Variants in NUDCD3 observed in about 807,000 individuals in gnomAD.
NUDCD3 encodes the protein NudC domain containing 3.
In NUDCD3, 13 loss-of-function variants were observed where a neutral mutation model predicts 39.7. The ratio of observed to expected loss-of-function variants is 0.33; its 90% CI spans 0.21 to 0.52. The LOEUF is 0.52. NUDCD3 is among the 20% of genes least tolerant of loss of function. NUDCD3 has a pLI of 0.96. For synonymous variants in NUDCD3, 175 were observed against 172.4 expected (o/e 1.02, Z -0.12); for missense variants, 453 against 458.1 (o/e 0.99, Z 0.10).
chr7:44,417,721 A>G (rs896417831), intron 3 of NUDCD3, among the ~76,000 whole-genome samples: 2 of 152,226 alleles, frequency 1.3e-5, no homozygotes, highest in African/African-American at 4.8e-5. Flanking sequence ...ACTTGGGAAG[A>G]GCTATTAGCT....
At chr7:44,427,799 G>A (rs1490310072) in intron 2 of NUDCD3, 96 bp from the exon 3 acceptor site, 7 of 1,300,820 alleles carry the variant, frequency 5.4e-6, no homozygotes, top group African/African-American at 1.5e-5. Flanking sequence ...TCCTGGAGAC[G>A]TGACCAACTC....
At position 44,379,493 on chromosome 7, in the gene NUDCD3, G is replaced by T. The variant is rs1285732505; in HGVS notation, c.*6518C>A. 6.6e-6 allele frequency: 1 copy of T among 152,208 alleles called. No individual in the cohort carries two copies. Among genetic ancestry groups the T allele is most frequent in the African/African-American group, 2.4e-5 (1 of 41,384 alleles). 9.4% of individuals were successfully genotyped at this position (152,208 alleles called of 1,614,324 possible). A position where few individuals can be genotyped will look rare whatever the true frequency, so the allele number is the denominator to read the frequency against. On this transcript the variant is annotated 3_prime_UTR_variant, in exon 6 of 6. Coordinates refer to ENST00000355451, the MANE Select transcript of NUDCD3 (RefSeq NM_015332.4). The stretch of plus-strand genomic sequence containing the variant: ...GAGGCTGCTGACTGTCCAGGGCTTT[G>T]CTGAGTGCCTGGCTCTGCCAATGGG...
intron 1 of NUDCD3, among the ~76,000 whole-genome samples, chr7:44,489,255 C>T (rs1800682596): frequency 6.6e-6 from 1 of 152,192 alleles, no homozygotes; most frequent in African/African-American, 2.4e-5. Flanking sequence ...TGCTAAAGGC[C>T]ACCTCCAACA....
At chr7:44,402,697 A>C (rs1473114) in intron 4 of NUDCD3, 347,216 of 456,464 alleles carry the variant, frequency 0.76, 133,807 homozygotes, top group East Asian at 0.94. Context: ...CTGCTCCATG[A>C]TCTGCACTGA....
intron 4 of NUDCD3, chr7:44,402,560 C>T (rs963821816): frequency 1.6e-5 from 7 of 444,762 alleles, no homozygotes; most frequent in African/African-American, 1.4e-4. Flanking sequence ...TGGCTATGGG[C>T]TCAGAGACCA....
intron 2 of NUDCD3, among the ~76,000 whole-genome samples, chr7:44,448,553 CCA>C (rs1200218707): frequency 3.3e-5 from 5 of 152,334 alleles, no homozygotes; most frequent in South Asian, 4.1e-4. Context: ...TCACCCAGAG[CCA>C]CAGTTAATGT....
At chr7:44,481,456 G>C (rs1176995524) in intron 2 of NUDCD3, 1 of 152,200 alleles carries the variant, frequency 6.6e-6, no homozygotes, top group Non-Finnish European at 1.5e-5. Flanking sequence ...GGCCCACTCA[G>C]ATCACCTAGG....
chr7:44,438,744 T>G (rs763161320), intron 2 of NUDCD3, among the ~76,000 whole-genome samples: 11 of 152,022 alleles, frequency 7.2e-5, no homozygotes, highest in Non-Finnish European at 1.3e-4. Context: ...GTATAAAATC[T>G]CCTTAGCAGA....
chr7:44,418,111 A>C (rs1248195432), intron 3 of NUDCD3, among the ~76,000 whole-genome samples: 2 of 152,170 alleles, frequency 1.3e-5, no homozygotes, highest in Non-Finnish European at 2.9e-5. Flanking sequence ...AGAATGAAGG[A>C]GAGACTGCAG....
chr7:44,481,038 T>G (rs949312404), intron 2 of NUDCD3, among the ~76,000 whole-genome samples: 2 of 151,844 alleles, frequency 1.3e-5, no homozygotes, highest in Admixed American at 1.3e-4. Flanking sequence ...TTCTTGTCAT[T>G]ATTCCCCAAA....
chr7:44,462,945 C>CTGTG (rs3138779), intron 2 of NUDCD3, among the ~76,000 whole-genome samples: 1,717 of 146,772 alleles, frequency 0.012, 7 homozygotes, highest in South Asian at 0.019. Flanking sequence ...CACAACCAGG[C>CTGTG]TGTGTGTGTG....
chr7:44,407,249 G>C (rs902845350), intron 3 of NUDCD3, among the ~76,000 whole-genome samples: 3 of 149,580 alleles, frequency 2.0e-5, no homozygotes, highest in Admixed American at 6.7e-5. Flanking sequence ...CAAGAGAATG[G>C]GAGAAAAATA....
At chr7:44,428,783 T>C (rs1799291306) in intron 2 of NUDCD3, among the ~76,000 whole-genome samples, 1 of 152,196 alleles carries the variant, frequency 6.6e-6, no homozygotes, top group African/African-American at 2.4e-5. Flanking sequence ...ACAAGTCCAT[T>C]ATAGTGAACT....
At chr7:44,392,273 T>G in intron 5 of NUDCD3, 24 bp downstream of exon 5, 3 of 1,607,304 alleles carry the variant, frequency 1.9e-6, no homozygotes, top group African/African-American at 1.3e-5. Context: ...AAGGGTGGAC[T>G]CTCCAGGACT....
At chr7:44,483,244 T>TATTC (rs1197161243) in intron 2 of NUDCD3, among the ~76,000 whole-genome samples, 1 of 152,122 alleles carries the variant, frequency 6.6e-6, no homozygotes, top group Non-Finnish European at 1.5e-5. Flanking sequence ...GAACAAAGAA[T>TATTC]GTCTACTCAC....
intron 5 of NUDCD3, among the ~76,000 whole-genome samples, chr7:44,391,792 G>A (rs1233322956): frequency 1.3e-5 from 2 of 152,154 alleles, no homozygotes; most frequent in Non-Finnish European, 2.9e-5. Flanking sequence ...ACTCTACACT[G>A]GGCACTACAC....
At chr7:44,453,496 T>C (rs934965993) in intron 2 of NUDCD3, among the ~76,000 whole-genome samples, 1 of 152,184 alleles carries the variant, frequency 6.6e-6, no homozygotes, top group Admixed American at 6.5e-5. Context: ...AAATCATTTT[T>C]AAGAATTTTT....
chr7:44,467,993 C>T lies in NUDCD3; in HGVS notation c.509+16975G>A, dbSNP rs1277531010. On this transcript the variant is annotated intron_variant, in intron 2 of 5. Coordinates refer to ENST00000355451, the MANE Select transcript of NUDCD3 (RefSeq NM_015332.4). Reference sequence around the variant, plus strand: ...GTCAGACCAATATGTCAAAATTAAGCGTAACTGGCGGAAACCCAGAGGCAC... The same window carrying T: ...GTCAGACCAATATGTCAAAATTAAGTGTAACTGGCGGAAACCCAGAGGCAC... The T allele has an allele frequency of 6.8e-6, 11 of 1,612,100 alleles. No individual in the cohort carries two copies. The South Asian group carries it at 7.7e-5, about 11-fold the overall frequency.
At chr7:44,431,365 C>T (rs1799358405) in intron 2 of NUDCD3, among the ~76,000 whole-genome samples, 1 of 152,216 alleles carries the variant, frequency 6.6e-6, no homozygotes, top group Admixed American at 6.5e-5. Flanking sequence ...AAAGGAAAAA[C>T]ACAGAACAGG....
Sources: allele counts gnomAD v4.1 joint callset (sites outside exome capture counted in the v4.1 genomes callset), GRCh38; gene constraint gnomAD v4.1.1; transcripts MANE v1.5; gene names NCBI Gene and HGNC (gene_info 2026-07-23, HGNC 2026-07-21).